Variants in TRPC1 observed in about 807,000 individuals in gnomAD.
TRPC1 encodes the protein transient receptor potential cation channel subfamily C member 1.
Under a neutral mutation model 88.2 loss-of-function variants are expected in TRPC1, and 42 were observed. The observed-to-expected ratio is 0.48, with a 90% CI of 0.37 to 0.62. TRPC1 has a LOEUF of 0.62. Ranked by LOEUF, TRPC1 falls within the 20% of genes least tolerant of loss-of-function variation. The pLI is 0.00. For missense variants in TRPC1, 699 were observed against 957.3 expected (o/e 0.73, Z 3.56); for synonymous variants, 288 against 331.8 (o/e 0.87, Z 1.43).
intron 6 of TRPC1, 30 bp from the exon 7 acceptor site, chr3:142,784,673 TC>T: frequency 1.3e-6 from 2 of 1,525,382 alleles, no homozygotes; most frequent in Non-Finnish European, 1.8e-6. Flanking sequence ...TTACTTTTTT[TC>T]TTTTTAATGT....
intron 3 of TRPC1, among the ~76,000 whole-genome samples, chr3:142,745,106 G>A (rs933755795): frequency 3.3e-5 from 5 of 152,184 alleles, no homozygotes; most frequent in Admixed American, 3.3e-4. Context: ...AGTTTAAGTG[G>A]TGGTAAGAAA....
chr3:142,782,644 G>A (rs1168860282), intron 6 of TRPC1, among the ~76,000 whole-genome samples: 3 of 152,152 alleles, frequency 2.0e-5, no homozygotes, highest in African/African-American at 7.2e-5. Flanking sequence ...TCAGCTGGGG[G>A]CTTCTCCACT....
At chr3:142,796,239 A>G (rs1199027200) in intron 9 of TRPC1, among the ~76,000 whole-genome samples, 1 of 152,102 alleles carries the variant, frequency 6.6e-6, no homozygotes, top group Non-Finnish European at 1.5e-5. Flanking sequence ...GATCTTAATC[A>G]CTATACTAAA....
intron 9 of TRPC1, among the ~76,000 whole-genome samples, chr3:142,800,914 A>AAAAG (rs917669810): frequency 1.3e-5 from 2 of 149,450 alleles, no homozygotes; most frequent in African/African-American, 5.1e-5. Context: ...GACTGTCTTA[A>AAAAG]AAAGAAAGAA....
chr3:142,804,549 C>T lies in TRPC1; in HGVS notation c.2073C>T (p.Ile691=). ...ACATCATTCCCTCACCAAAGACTAT[C>T]TGCTATATGATTAGTAGCCTCAGTA... ...PFNIIPSPKT[I]CYMISSLSKW... The change falls in exon 12 of 13, where the codon ATC becomes ATT. Residue 691 remains isoleucine, a synonymous_variant. Coordinates refer to ENST00000476941, the MANE Select transcript of TRPC1 (RefSeq NM_001251845.2). 1 of 1,613,576 alleles carries T rather than the reference C, an allele frequency of 6.2e-7. No homozygotes were observed. Among genetic ancestry groups the T allele is most frequent in the Non-Finnish European group, 8.5e-7 (1 of 1,179,716 alleles).
chr3:142,801,198 A>G (rs551152779), intron 9 of TRPC1: 61 of 152,220 alleles, frequency 4.0e-4, no homozygotes, highest in African/African-American at 1.3e-3. Context: ...TTTTAAAAAC[A>G]ATGTTGAGTA....
intron 4 of TRPC1, among the ~76,000 whole-genome samples, chr3:142,763,983 T>TATATATATATATATATATACAC (rs1441314374): frequency 0.017 from 1,279 of 73,964 alleles, 19 homozygotes; most frequent in Non-Finnish European, 0.028. Context: ...TATATATATA[T>TATATATATATATATATATACAC]ACACATACAT....
intron 4 of TRPC1, among the ~76,000 whole-genome samples, chr3:142,748,839 G>A (rs1199456233): frequency 6.6e-6 from 1 of 152,092 alleles, no homozygotes. Context: ...ACTAAGTATT[G>A]ACCTTTTATG....
At chr3:142,779,041 A>T (rs1218162918) in intron 5 of TRPC1, among the ~76,000 whole-genome samples, 1 of 152,182 alleles carries the variant, frequency 6.6e-6, no homozygotes, top group Non-Finnish European at 1.5e-5. Flanking sequence ...AAAACTTCCT[A>T]TTGTAACCTC....
chr3:142,737,827 A>C (rs1370506873), intron 2 of TRPC1, among the ~76,000 whole-genome samples: 1 of 152,178 alleles, frequency 6.6e-6, no homozygotes, highest in Non-Finnish European at 1.5e-5. Flanking sequence ...TTTTAGAAGA[A>C]AGACTGTATA....
intron 3 of TRPC1, among the ~76,000 whole-genome samples, chr3:142,746,085 A>G (rs780413981): frequency 1.1e-4 from 17 of 152,192 alleles, no homozygotes; most frequent in Non-Finnish European, 2.4e-4. Context: ...GAGAGGCAAT[A>G]TTAAATATTT....
At position 142,724,410 on chromosome 3, in the gene TRPC1, C is replaced by T; in HGVS notation, c.-150C>T. 1.5e-6 allele frequency: 1 copy of T among 664,114 alleles called. No individual in the cohort carries two copies. The highest frequency in any genetic ancestry group is 2.3e-6 in the Non-Finnish European group (1 of 433,368). The allele number at this position is 664,114 out of a possible 1,614,324, so 41.1% of individuals were successfully genotyped here. The stretch of plus-strand genomic sequence containing the variant: ...GTGCTGGTTCTCAGGGGAGGCGACG[C>T]CCTTCGGGGCCAACGGGCCTCGAGC... On this transcript the variant is annotated 5_prime_UTR_variant, in exon 1 of 13. Coordinates refer to ENST00000476941, the MANE Select transcript of TRPC1 (RefSeq NM_001251845.2). The surrounding 1 kb of genome is among the most constrained non-coding windows in gnomAD (Gnocchi z 5.6).
At chr3:142,725,494 G>A (rs950897447) in intron 1 of TRPC1, among the ~76,000 whole-genome samples, 2 of 152,122 alleles carry the variant, frequency 1.3e-5, no homozygotes, top group African/African-American at 4.8e-5. Context: ...TATATTTAGC[G>A]CGTTATCCTT....
At chr3:142,774,573 C>T (rs770898803) in intron 4 of TRPC1, among the ~76,000 whole-genome samples, 2 of 152,174 alleles carry the variant, frequency 1.3e-5, no homozygotes, top group Non-Finnish European at 2.9e-5. Flanking sequence ...GAACTGGGGG[C>T]AGGGGTGATG....
At chr3:142,802,815 T>C (rs1398776470) in intron 10 of TRPC1, among the ~76,000 whole-genome samples, 14 of 152,170 alleles carry the variant, frequency 9.2e-5, no homozygotes, top group Non-Finnish European at 1.9e-4. Context: ...TCATAAGGAT[T>C]TGAATAACCT....
At chr3:142,762,428 ATTTT>A (rs755194552) in intron 4 of TRPC1, among the ~76,000 whole-genome samples, 1 of 103,652 alleles carries the variant, frequency 9.6e-6, no homozygotes, top group African/African-American at 3.7e-5. Flanking sequence ...TTTATTCTTG[ATTTT>A]TTTTTTTTTT....
intron 7 of TRPC1, 93 bp downstream of exon 7, chr3:142,785,133 C>A: frequency 4.7e-6 from 5 of 1,072,908 alleles, no homozygotes; most frequent in Non-Finnish European, 6.6e-6. Flanking sequence ...GTTCAATTTG[C>A]AATTTTACAC....
chr3:142,750,051 C>T (rs374381825), intron 4 of TRPC1, among the ~76,000 whole-genome samples: 13 of 152,064 alleles, frequency 8.5e-5, no homozygotes, highest in African/African-American at 2.7e-4. Flanking sequence ...GCAATGGCAG[C>T]GAAAGCCAAA....
rs564713119 is a variant in TRPC1 at position 142,776,263 on chromosome 3, G to A, written c.633-1369G>A. Among the ~76,000 whole-genome samples, 2 of 152,292 alleles carry A rather than the reference G, an allele frequency of 1.3e-5. No homozygotes were observed. Among genetic ancestry groups the A allele is most frequent in the South Asian group, 2.1e-4 (1 of 4,826 alleles). On this transcript the variant is annotated intron_variant, in intron 4 of 12. Transcript: ENST00000476941. This position sits in a 1 kb window ranked among gnomAD's most constrained non-coding sequence, Gnocchi z 4.1. ...AAAATGACGAGTTTTGAGGATTGCA[G>A]TTGGGAGGTGATGGGAGGACATGGA...
Sources: allele counts gnomAD v4.1 joint callset (sites outside exome capture counted in the v4.1 genomes callset), GRCh38; gene constraint gnomAD v4.1.1; non-coding constraint Gnocchi (gnomAD v3.1); transcripts MANE v1.5; gene names NCBI Gene and HGNC (gene_info 2026-07-23, HGNC 2026-07-21).